The following LASP1 variants were observed in gnomAD, a reference collection of about 807,000 sequenced individuals.
The protein encoded by LASP1 is LIM and SH3 protein 1, also known as LIM and SH3 domain protein 1.
Under a neutral mutation model 38.6 loss-of-function variants are expected in LASP1, and 10 were observed. That is an observed-to-expected ratio of 0.26 (90% CI 0.16 to 0.44). The LOEUF (loss-of-function observed/expected upper bound fraction) is 0.44, where lower values mean the gene tolerates loss of function less well. Ranked by LOEUF, LASP1 falls within the 20% of genes least tolerant of loss-of-function variation. The pLI is 1.00. For missense variants in LASP1, 243 were observed against 375.7 expected, an observed-to-expected ratio of 0.65 and a Z score of 2.92; for synonymous variants, 132 against 140.8, an observed-to-expected ratio of 0.94 and a Z score of 0.44.
chr17:38,893,152 AGCCCAGG>A (rs1914391737), intron 3 of LASP1, among the ~76,000 whole-genome samples: 1 of 152,238 alleles, frequency 6.6e-6, no homozygotes, highest in South Asian at 2.1e-4. Context: ...GCTTGTGCAG[AGCCCAGG>A]GACAGGGGCA....
intron 4 of LASP1, among the ~76,000 whole-genome samples, chr17:38,913,586 C>T (rs1173635498): frequency 6.6e-6 from 1 of 152,228 alleles, no homozygotes; most frequent in Non-Finnish European, 1.5e-5. Context: ...TCACATGAGC[C>T]TGTGACATAA....
At chr17:38,902,622 G>A (rs1914676834) in intron 4 of LASP1, among the ~76,000 whole-genome samples, 1 of 152,110 alleles carries the variant, frequency 6.6e-6, no homozygotes, top group Admixed American at 6.6e-5. Flanking sequence ...TAGCATTCCT[G>A]TTCCTGTATG....
rs767994718 is a variant in LASP1, at chr17:38,915,117, A to G, written c.583A>G (p.Ile195Val). Residue 195 changes from isoleucine to valine, a missense_variant, in exon 6 of 7, where the codon ATA becomes GTA. Coordinates refer to ENST00000318008, the MANE Select transcript of LASP1 (RefSeq NM_006148.4). ...GYKEPAAPVSIQRSAPGGGGK... is the reference protein window; with the variant it reads ...GYKEPAAPVSVQRSAPGGGGK... ...CAAGGAGCCTGCAGCCCCAGTCTCC[A>G]TACAGCGCAGCGCCCCAGGTGGTGG... is the stretch of plus-strand genomic sequence containing the variant. 2 of 1,613,928 alleles carry G rather than the reference A, an allele frequency of 1.2e-6. No individual in the cohort carries two copies. Among genetic ancestry groups the G allele is most frequent in the South Asian group, 2.2e-5 (2 of 91,076 alleles).
At position 38,872,592 on chromosome 17, in the gene LASP1, G is replaced by A. The variant is rs141187289; in HGVS notation, c.69+2334G>A. ...ATAGGACCAGGAATGGGGAGCCAGT[G>A]CCTGGAGGATGCTGGGCTGTGACCA... On this transcript the variant is annotated intron_variant, in intron 1 of 6. Transcript: ENST00000318008. Among the ~76,000 whole-genome samples the A allele has an allele frequency of 2.1e-3, 321 of 152,286 alleles. 3 individuals are homozygous for A. Among genetic ancestry groups the A allele is most frequent in the East Asian group, 0.017 (90 of 5,178 alleles).
Position 38,918,756 on chromosome 17 carries a change from C to A in LASP1, c.764C>A (p.Ala255Asp). The part of the protein sequence containing the change: ...ERTGDTGMLP[A>D]NYVEAI ...ACCGGCGACACGGGGATGCTGCCGG[C>A]CAACTACGTGGAGGCCATCTGAACC... Residue 255 changes from alanine (A) to aspartate (D), a missense_variant, in exon 7 of 7, where the codon GCC (alanine) becomes GAC (aspartate). By Grantham distance (126) the Ala-to-Asp change is moderately radical. Transcript: ENST00000318008. The surrounding 1 kb of genome is among the most constrained non-coding windows in gnomAD (Gnocchi z 4.4). 6.2e-7 allele frequency: 1 copy of A among 1,613,942 alleles called. No homozygotes were observed. The highest frequency in any genetic ancestry group is 8.5e-7 in the Non-Finnish European group (1 of 1,180,004).
chr17:38,900,154 G>T (rs1914598136), intron 4 of LASP1, among the ~76,000 whole-genome samples: 1 of 142,314 alleles, frequency 7.0e-6, no homozygotes, highest in Non-Finnish European at 1.5e-5. Context: ...CTTGAGCCCA[G>T]GAGTTTGAGA....
At chr17:38,913,321 GC>G (rs1915009653) in intron 4 of LASP1, among the ~76,000 whole-genome samples, 1 of 152,198 alleles carries the variant, frequency 6.6e-6, no homozygotes, top group South Asian at 2.1e-4. Context: ...CCGAGAAGGA[GC>G]CCATCCAAGA....
intron 4 of LASP1, among the ~76,000 whole-genome samples, chr17:38,900,061 C>T (rs1300379807): frequency 6.6e-6 from 1 of 151,774 alleles, no homozygotes; most frequent in East Asian, 1.9e-4. Flanking sequence ...ATGCTGGTTG[C>T]AGGCCCCTAT....
chr17:38,903,682 ACCCAGTTATGTTGTCAAT>A (rs1914703901), intron 4 of LASP1: 1 of 152,158 alleles, frequency 6.6e-6, no homozygotes, highest in Non-Finnish European at 1.5e-5. Context: ...ACGCCATCAC[ACCCAGTTATGTTGTCAAT>A]GTTATCAATA....
At chr17:38,917,994 G>A (rs978502942) in intron 6 of LASP1, among the ~76,000 whole-genome samples, 1 of 152,078 alleles carries the variant, frequency 6.6e-6, no homozygotes, top group Non-Finnish European at 1.5e-5. Context: ...ACAAAAATTA[G>A]CCGGGCATGG....
intron 3 of LASP1, among the ~76,000 whole-genome samples, chr17:38,890,886 A>G (rs570622771): frequency 8.5e-5 from 13 of 152,226 alleles, no homozygotes; most frequent in African/African-American, 2.4e-4. Context: ...AGGCTGGGCA[A>G]CCAACCCTCT....
rs545881288 is a variant in LASP1 at position 38,921,382 on chromosome 17, T to C, written c.*2604T>C. 8.6e-6 allele frequency: 2 copies of C among 232,736 alleles called. No individual in the cohort carries two copies. Among genetic ancestry groups the C allele is most frequent in the African/African-American group, 2.2e-5 (1 of 45,444 alleles). 14.4% of individuals were successfully genotyped at this position (232,736 alleles called of 1,614,324 possible). On this transcript the variant is annotated 3_prime_UTR_variant, in exon 7 of 7. Coordinates refer to ENST00000318008, the MANE Select transcript of LASP1 (RefSeq NM_006148.4). Reference sequence around the variant, plus strand: ...ACTGCCTCCTGTTTTCTCCCTCTCATGTCCCTCCAGGGAAAATGACTTTAT... The same window carrying C: ...ACTGCCTCCTGTTTTCTCCCTCTCACGTCCCTCCAGGGAAAATGACTTTAT...
intron 2 of LASP1, among the ~76,000 whole-genome samples, chr17:38,882,309 G>A (rs532361681): frequency 3.3e-4 from 50 of 152,318 alleles, no homozygotes; most frequent in African/African-American, 1.2e-3. Context: ...GTGCAGTGGT[G>A]CGATCTCCGC....
Position 38,921,483 on chromosome 17 carries a change from A to G in LASP1, c.*2705A>G, listed in dbSNP as rs1915296936. ...TTATAGCTGGAAAAAACAAAATACC[A>G]CCCTACAAACCTGTATTTAAAAAGA... is the stretch of plus-strand genomic sequence containing the variant. On this transcript the variant is annotated 3_prime_UTR_variant, in exon 7 of 7. Coordinates refer to ENST00000318008, the MANE Select transcript of LASP1 (RefSeq NM_006148.4). The G allele has an allele frequency of 4.3e-6, 1 of 231,878 alleles. No homozygotes were observed. The highest frequency in any genetic ancestry group is 2.2e-5 in the African/African-American group (1 of 44,968). The allele number at this position is 231,878 out of a possible 1,614,324, so 14.4% of individuals were successfully genotyped here. A position where few individuals can be genotyped will look rare whatever the true frequency, so the allele number is the denominator to read the frequency against.
At chr17:38,906,080 T>TAAAAAATAAATAAATAAATAAA (rs1914770471) in intron 4 of LASP1, among the ~76,000 whole-genome samples, 3 of 151,712 alleles carry the variant, frequency 2.0e-5, no homozygotes, top group Non-Finnish European at 4.4e-5. Flanking sequence ...ATAAATAAAA[T>TAAAAAATAAATAAATAAATAAA]ATTGTGAGTC....
intron 3 of LASP1, among the ~76,000 whole-genome samples, chr17:38,895,192 T>A (rs990510225): frequency 4.6e-5 from 7 of 150,966 alleles, no homozygotes; most frequent in East Asian, 3.9e-4. Context: ...TTTTTTTTTT[T>A]AAATAGAGAT....
chr17:38,909,233 C>T (rs1914858715), intron 4 of LASP1, among the ~76,000 whole-genome samples: 1 of 152,148 alleles, frequency 6.6e-6, no homozygotes, highest in African/African-American at 2.4e-5. Context: ...CGCTTCCTCC[C>T]CCATCCTCAT....
chr17:38,875,428 T>C lies in LASP1; in HGVS notation c.70-2658T>C, dbSNP rs185319269. ...TTAGTGTCCCGGTGGGTTCTGTCTA[T>C]TGGGTTATGCACCAGAAGGAGTCTT... On this transcript the variant is annotated intron_variant, in intron 1 of 6. Transcript: ENST00000318008. Among the ~76,000 whole-genome samples the C allele has an allele frequency of 4.4e-3, 674 of 152,034 alleles. 6 individuals carry two copies. The highest frequency in any genetic ancestry group is 0.016 in the African/African-American group (657 of 41,444).
intron 4 of LASP1, among the ~76,000 whole-genome samples, chr17:38,911,201 C>T (rs1914931350): frequency 6.6e-6 from 1 of 152,158 alleles, no homozygotes; most frequent in Admixed American, 6.5e-5. Flanking sequence ...CACCACCCGC[C>T]AACAGCACAG....
Sources: allele counts gnomAD v4.1 joint callset (sites outside exome capture counted in the v4.1 genomes callset), GRCh38; gene constraint gnomAD v4.1.1; non-coding constraint Gnocchi (gnomAD v3.1); transcripts MANE v1.5; gene names NCBI Gene and HGNC (gene_info 2026-07-23, HGNC 2026-07-21).